The following SYNPR variants were observed in gnomAD, a reference collection of about 807,000 sequenced individuals.
SYNPR encodes the protein synaptoporin.
SYNPR carries 23 observed loss-of-function variants against 32.9 expected under a neutral mutation model. The observed-to-expected ratio is 0.70, with a 90% CI of 0.50 to 0.99. The LOEUF is 0.99. Ranked by LOEUF, SYNPR falls within the 50% of genes least tolerant of loss-of-function variation. The probability of loss-of-function intolerance (pLI) is 0.00; values close to 1 mark genes in which losing one functional copy is unlikely to be tolerated. For missense variants in SYNPR, 318 were observed against 349.3 expected, an observed-to-expected ratio of 0.91 and a Z score of 0.71; for synonymous variants, 146 against 135.9, an observed-to-expected ratio of 1.07 and a Z score of -0.52.
intron 2 of SYNPR, among the ~76,000 whole-genome samples, chr3:63,348,833 G>A (rs902497025): frequency 1.3e-5 from 2 of 152,132 alleles, no homozygotes; most frequent in African/African-American, 4.8e-5. Context: ...AAAATCAGAT[G>A]ACTGTAGATA....
intron 3 of SYNPR, among the ~76,000 whole-genome samples, chr3:63,552,322 T>C (rs1046786276): frequency 3.9e-5 from 6 of 152,232 alleles, no homozygotes; most frequent in Admixed American, 2.0e-4. Flanking sequence ...ATTGACATGA[T>C]TACCTTTAAA....
At chr3:63,327,517 C>A (rs550568617) in intron 2 of SYNPR, among the ~76,000 whole-genome samples, 11 of 152,088 alleles carry the variant, frequency 7.2e-5, no homozygotes, top group African/African-American at 2.4e-4. Context: ...TAAGTGTGTT[C>A]ATAACAGAAT....
chr3:63,211,326 C>G, the SYNPR span, among the ~76,000 whole-genome samples: 1 of 152,176 alleles, frequency 6.6e-6, no homozygotes, highest in East Asian at 1.9e-4. Flanking sequence ...CTCAGCCTCC[C>G]AAACTGCTGG....
At chr3:63,260,466 G>C (rs1164562537) in intron 2 of SYNPR, among the ~76,000 whole-genome samples, 3 of 152,128 alleles carry the variant, frequency 2.0e-5, no homozygotes, top group Non-Finnish European at 4.4e-5. Flanking sequence ...ACAAGAAATG[G>C]GGAAAAGATT....
chr3:63,555,516 C>T (rs1702581274), intron 3 of SYNPR, among the ~76,000 whole-genome samples: 1 of 152,060 alleles, frequency 6.6e-6, no homozygotes, highest in African/African-American at 2.4e-5. Context: ...TTGGATATAA[C>T]ACATCTTCCT....
chr3:63,559,886 C>T (rs887378675), intron 4 of SYNPR, among the ~76,000 whole-genome samples: 2 of 152,136 alleles, frequency 1.3e-5, no homozygotes, highest in African/African-American at 4.8e-5. Flanking sequence ...TGTAAACATG[C>T]TCACAGGACT....
intron 3 of SYNPR, among the ~76,000 whole-genome samples, chr3:63,510,361 T>C (rs1701672777): frequency 6.6e-6 from 1 of 152,312 alleles, no homozygotes; most frequent in African/African-American, 2.4e-5. Flanking sequence ...TTTACTTGTT[T>C]GATACTTAAC....
At chr3:63,371,143 G>A (rs1337057097) in intron 2 of SYNPR, among the ~76,000 whole-genome samples, 4 of 151,972 alleles carry the variant, frequency 2.6e-5, no homozygotes, top group African/African-American at 4.8e-5. Flanking sequence ...CCCATACCTC[G>A]GAAAAATGAT....
At chr3:63,389,108 T>C (rs1446081430) in intron 2 of SYNPR, among the ~76,000 whole-genome samples, 4 of 152,198 alleles carry the variant, frequency 2.6e-5, no homozygotes, top group Admixed American at 1.3e-4. Flanking sequence ...AATAAAAGAA[T>C]GTGCTTTAAT....
intron 1 of SYNPR, among the ~76,000 whole-genome samples, chr3:63,232,938 TAAAAG>T (rs914633850): frequency 5.3e-5 from 8 of 152,236 alleles, no homozygotes; most frequent in Admixed American, 4.6e-4. Context: ...GTGATTCTTA[TAAAAG>T]AATTGTTCAA....
intron 2 of SYNPR, among the ~76,000 whole-genome samples, chr3:63,364,683 G>A (rs2107040549): frequency 6.6e-6 from 1 of 152,254 alleles, no homozygotes; most frequent in East Asian, 1.9e-4. Flanking sequence ...CCTATTCACT[G>A]CCACCAACTA....
intron 2 of SYNPR, among the ~76,000 whole-genome samples, chr3:63,307,039 C>T (rs1232522224): frequency 1.3e-5 from 2 of 152,132 alleles, no homozygotes; most frequent in South Asian, 2.1e-4. Context: ...AAACATCTCT[C>T]GTTAGTGAGT....
At chr3:63,286,807 A>T (rs532577148) in intron 2 of SYNPR, among the ~76,000 whole-genome samples, 1 of 152,340 alleles carries the variant, frequency 6.6e-6, no homozygotes, top group African/African-American at 2.4e-5. Flanking sequence ...TCCTGCCTAT[A>T]GTGTTGAAAA....
chr3:63,300,977 G>A (rs531379119), intron 2 of SYNPR, among the ~76,000 whole-genome samples: 20 of 151,998 alleles, frequency 1.3e-4, no homozygotes, highest in Non-Finnish European at 2.8e-4. Flanking sequence ...AACCATATTG[G>A]CAAAGGAAGA....
intron 1 of SYNPR, among the ~76,000 whole-genome samples, chr3:63,240,950 A>T (rs2086237211): frequency 6.6e-6 from 1 of 152,072 alleles, no homozygotes; most frequent in Admixed American, 6.6e-5. Context: ...ATCTTTTGAC[A>T]GCGCCATGGA....
Position 63,240,956 on chromosome 3 carries a change from A to G in SYNPR, n.67-11543A>G, listed in dbSNP as rs536600776. Among the ~76,000 whole-genome samples the G allele has an allele frequency of 6.6e-5, 10 of 152,212 alleles. No homozygotes were observed. The East Asian group carries it at 1.9e-3, about 29-fold the overall frequency. On this transcript the variant is annotated intron_variant and non_coding_transcript_variant, in intron 1 of 4. Transcript: ENST00000478456. ...CATGCATGCATCTTTTGACAGCGCCATGGAACATCAGAAAGACCAAGTTCT... is the reference window on the plus strand; with the variant it reads ...CATGCATGCATCTTTTGACAGCGCCGTGGAACATCAGAAAGACCAAGTTCT...
intron 2 of SYNPR, among the ~76,000 whole-genome samples, chr3:63,395,506 C>T (rs755236346): frequency 6.6e-6 from 1 of 152,176 alleles, no homozygotes; most frequent in East Asian, 1.9e-4. Flanking sequence ...ACCTGAAACT[C>T]ATAACAATCC....
intron 4 of SYNPR, among the ~76,000 whole-genome samples, chr3:63,588,729 G>A (rs1023604385): frequency 3.9e-5 from 6 of 151,968 alleles, no homozygotes; most frequent in Admixed American, 2.0e-4. Flanking sequence ...AACAACCCTC[G>A]TTGCTTTCCT....
intron 2 of SYNPR, among the ~76,000 whole-genome samples, chr3:63,355,213 A>C (rs2087560797): frequency 6.7e-6 from 1 of 149,222 alleles, no homozygotes; most frequent in African/African-American, 2.5e-5. Context: ...TTGGAGGTGG[A>C]GGTTGCGGTG....
Sources: gnomAD v4.1 joint callset for allele counts (sites outside exome capture counted in the v4.1 genomes callset) on GRCh38, gnomAD v4.1.1 for gene constraint, MANE v1.5 for transcripts, NCBI Gene and HGNC (gene_info 2026-07-23, HGNC 2026-07-21) for gene names.